The following HPD variants were observed in gnomAD, a reference collection of about 807,000 sequenced individuals.
HPD encodes the protein 4-hydroxyphenylpyruvic acid oxidase.
HPD carries 35 observed loss-of-function variants against 56.9 expected under a neutral mutation model. The observed-to-expected ratio is 0.62, with a 90% CI of 0.47 to 0.82. The LOEUF (loss-of-function observed/expected upper bound fraction) is 0.82, where lower values mean the gene tolerates loss of function less well. Among genes scored for constraint, HPD ranks in the 40% least tolerant of loss-of-function variants. The pLI is 0.00. For missense variants in HPD, 442 were observed against 506.8 expected, an observed-to-expected ratio of 0.87 and a Z score of 1.23; for synonymous variants, 186 against 200.2, an observed-to-expected ratio of 0.93 and a Z score of 0.60.
chr12:121,864,608 C>T (rs1878273871), upstream of HPD, among the ~76,000 whole-genome samples: 1 of 149,484 alleles, frequency 6.7e-6, no homozygotes, highest in Non-Finnish European at 1.5e-5. Context: ...AATCCCAGCA[C>T]TTTGGGAGGC....
the HPD span, among the ~76,000 whole-genome samples, chr12:121,869,926 A>G: frequency 6.6e-6 from 1 of 152,106 alleles, no homozygotes; most frequent in Admixed American, 6.6e-5. Flanking sequence ...TAGTGTCCTA[A>G]GAAGTGGGCT....
the HPD span, among the ~76,000 whole-genome samples, chr12:121,877,002 G>A: frequency 1.3e-5 from 2 of 151,064 alleles, no homozygotes; most frequent in Non-Finnish European, 2.9e-5. Flanking sequence ...GCTGAGGCAG[G>A]AGAATTGCTT....
the HPD span, among the ~76,000 whole-genome samples, chr12:121,869,065 A>AT: frequency 0.46 from 69,710 of 151,414 alleles, 16,604 homozygotes; most frequent in African/African-American, 0.55. Flanking sequence ...ATTAAAAACA[A>AT]TTTTTTGGCT....
chr12:121,846,928 A>C lies in HPD; in HGVS notation c.765T>G (p.Tyr255Ter), dbSNP rs767720774. The change falls in exon 11 of 14, where the codon TAT (tyrosine) becomes TAG (stop). Residue 255 changes from tyrosine to a stop codon, truncating the protein, a stop_gained. Coordinates refer to ENST00000289004, the MANE Select transcript of HPD (RefSeq NM_002150.3). LOFTEE classifies it high-confidence loss of function. Reference protein sequence around the residue: ...PGKKKSQIQEYVDYNGGAGVQ... With the variant: ...PGKKKSQIQE ...CCCCAGCGCCCCCGTTATAGTCCAC[A>C]TATTCCTGGGGGAGGGAAACAAGGA... is the stretch of plus-strand genomic sequence containing the variant. 6.2e-7 allele frequency: 1 copy of C among 1,614,096 alleles called. No homozygotes were observed.
chr12:121,884,315 G>A, the HPD span, among the ~76,000 whole-genome samples: 2 of 151,714 alleles, frequency 1.3e-5, no homozygotes, highest in Non-Finnish European at 1.5e-5. Context: ...GGTGTGTGCC[G>A]CTGTGCCCGG....
At chr12:121,866,513 G>A (rs1416484528), upstream of HPD, among the ~76,000 whole-genome samples, 5 of 151,930 alleles carry the variant, frequency 3.3e-5, no homozygotes, top group Middle Eastern at 6.8e-3. Flanking sequence ...ACATGCCAAC[G>A]GTTCTCAGCC....
Position 121,857,696 on chromosome 12 carries a change from C to T in HPD, c.93+61G>A, listed in dbSNP as rs574841841. On this transcript the variant is annotated intron_variant, in intron 3 of 13. Transcript: ENST00000289004. ...TCACAGACCCTGCTGGAGGCCTGCC[C>T]TTGTCAGGCAGCCCTCTGCCCTGCC... 4.9e-6 allele frequency: 7 copies of T among 1,418,434 alleles called. No homozygotes were observed. In the African/African-American group the frequency reaches 7.0e-5, roughly 14 times the overall value. 87.9% of individuals were successfully genotyped at this position (1,418,434 alleles called of 1,614,324 possible). A position where few individuals can be genotyped will look rare whatever the true frequency, so the allele number is the denominator to read the frequency against.
rs1246580920 is a variant in HPD at position 121,852,015 on chromosome 12, G to A, written c.415-2225C>T. On this transcript the variant is annotated intron_variant, in intron 7 of 13. Transcript: ENST00000289004. Reference sequence around the variant, plus strand: ...TGGGATTACAGGCGTGAGCCACCGCGCCCGGCCTATTCATTTATTTTTGAG... The same window carrying A: ...TGGGATTACAGGCGTGAGCCACCGCACCCGGCCTATTCATTTATTTTTGAG... Among the ~76,000 whole-genome samples, 2 of 3,776 alleles carry A rather than the reference G, an allele frequency of 5.3e-4. 1 individual carries two copies. The highest frequency in any genetic ancestry group is 1.6e-3 in the Non-Finnish European group (2 of 1,270). The allele number at this position is 3,776 out of a possible 152,430, so 2.5% of individuals were successfully genotyped here.
At chr12:121,852,175 A>G (rs1243264817) in intron 7 of HPD, among the ~76,000 whole-genome samples, 1 of 151,658 alleles carries the variant, frequency 6.6e-6, no homozygotes, top group Non-Finnish European at 1.5e-5. Context: ...ATGCTCCATC[A>G]TGCCTGGCCA....
At position 121,839,825 on chromosome 12, in the gene HPD, C is replaced by T; in HGVS notation, c.1085G>A (p.Gly362Asp). 1 of 1,614,150 alleles carries T rather than the reference C, an allele frequency of 6.2e-7. No individual in the cohort carries two copies. Among genetic ancestry groups the T allele is most frequent in the South Asian group, 1.1e-5 (1 of 91,078 alleles). ...AGCCTTGAACAGTGAGTTGAAGTTGCCGGCTCCAAAACCCTGTGGCGGGAA... is the reference window on the plus strand; with the variant it reads ...AGCCTTGAACAGTGAGTTGAAGTTGTCGGCTCCAAAACCCTGTGGCGGGAA... The part of the protein sequence containing the change: ...QRHNHQGFGA[G>D]NFNSLFKAFE... The change falls in exon 14 of 14, where the codon GGC becomes GAC. Residue 362 changes from glycine to aspartate, a missense_variant. By Grantham distance (94) the Gly-to-Asp change is moderately conservative (BLOSUM62 -1). Coordinates refer to ENST00000289004, the MANE Select transcript of HPD (RefSeq NM_002150.3).
At chr12:121,880,321 G>A in the HPD span, among the ~76,000 whole-genome samples, 1 of 151,404 alleles carries the variant, frequency 6.6e-6, no homozygotes, top group Admixed American at 6.6e-5. Context: ...TCCTGCCTCC[G>A]CTTCCCTGGG....
intron 8 of HPD, among the ~76,000 whole-genome samples, chr12:121,849,478 C>A (rs1271384355): frequency 6.6e-6 from 1 of 152,114 alleles, no homozygotes; most frequent in African/African-American, 2.4e-5. Context: ...AGTAACAGAG[C>A]TGGGATTTGA....
At chr12:121,859,840 T>C (rs149328448), upstream of HPD, among the ~76,000 whole-genome samples, 508 of 152,316 alleles carry the variant, frequency 3.3e-3, 3 homozygotes, top group African/African-American at 0.012. Context: ...GCTCCCAGTG[T>C]CCACCTCAGC....
chr12:121,884,790 T>C, the HPD span, among the ~76,000 whole-genome samples: 6 of 152,266 alleles, frequency 3.9e-5, no homozygotes, highest in South Asian at 1.0e-3. Flanking sequence ...ATTTACATTT[T>C]GTAAATGTAA....
At chr12:121,882,748 CTTTTTG>C in the HPD span, among the ~76,000 whole-genome samples, 2 of 151,968 alleles carry the variant, frequency 1.3e-5, no homozygotes, top group Non-Finnish European at 2.9e-5. Flanking sequence ...GGATCTTTTT[CTTTTTG>C]TTTTTGAGAG....
the HPD span, among the ~76,000 whole-genome samples, chr12:121,879,176 T>C: frequency 1.3e-5 from 2 of 151,892 alleles, no homozygotes; most frequent in East Asian, 1.9e-4. Context: ...TCCCAGCTAC[T>C]CAGGAGGCTG....
chr12:121,876,334 C>T, the HPD span, among the ~76,000 whole-genome samples: 12 of 151,968 alleles, frequency 7.9e-5, no homozygotes, highest in African/African-American at 2.7e-4. Context: ...AAAAACTGGC[C>T]CACAAACTTC....
chr12:121,851,633 C>G (rs1877775854), intron 7 of HPD, among the ~76,000 whole-genome samples: 1 of 151,830 alleles, frequency 6.6e-6, no homozygotes, highest in Admixed American at 6.6e-5. Context: ...CACACTTTAA[C>G]CATTTTTATG....
the HPD span, among the ~76,000 whole-genome samples, chr12:121,887,532 G>A: frequency 3.3e-5 from 5 of 151,670 alleles, no homozygotes; most frequent in African/African-American, 4.8e-5. Context: ...CACCACACCC[G>A]GCTAATATTT....
Sources: allele counts gnomAD v4.1 joint callset (sites outside exome capture counted in the v4.1 genomes callset), GRCh38; gene constraint gnomAD v4.1.1; transcripts MANE v1.5; gene names NCBI Gene and HGNC (gene_info 2026-07-23, HGNC 2026-07-21).